ATP8A2: variants seen among roughly 807,000 people sequenced by gnomAD.
The protein encoded by ATP8A2 is phospholipid-transporting ATPase IB.
In ATP8A2, 100 loss-of-function variants were observed where a neutral mutation model predicts 165.6. The observed-to-expected ratio is 0.60, with a 90% CI of 0.51 to 0.71. The LOEUF (loss-of-function observed/expected upper bound fraction) is 0.71. ATP8A2 is among the 30% of genes least tolerant of loss of function. ATP8A2 has a pLI of 0.00. For missense variants in ATP8A2, 1,227 were observed against 1,479.5 expected, an observed-to-expected ratio of 0.83 and a Z score of 2.80; for synonymous variants, 543 against 548.8, an observed-to-expected ratio of 0.99 and a Z score of 0.15.
In ATP8A2 at chr13:25,775,085, A is replaced by G. The variant is rs573846943; in HGVS notation, c.2679+126A>G. 4.4e-4 allele frequency: 263 copies of G among 603,000 alleles called. 1 individual carries two copies. The South Asian group carries it at 5.5e-3, about 13-fold the overall frequency. The allele number at this position is 603,000 out of a possible 1,614,324, so 37.4% of individuals were successfully genotyped here. ...TTAAAAGATGCTGCTGTGACTTTCT[A>G]CAGCCTGGGTCACATGTAAGCTCCT... On this transcript the variant is annotated intron_variant, in intron 27 of 36. Coordinates refer to ENST00000381655, the MANE Select transcript of ATP8A2 (RefSeq NM_016529.6).
At chr13:25,793,213 T>C (rs2045227481) in intron 27 of ATP8A2, among the ~76,000 whole-genome samples, 1 of 152,188 alleles carries the variant, frequency 6.6e-6, no homozygotes, top group Non-Finnish European at 1.5e-5. Flanking sequence ...CTGTCTTCGT[T>C]GCCTGCATAA....
intron 24 of ATP8A2, among the ~76,000 whole-genome samples, chr13:25,637,208 A>G (rs943246803): frequency 6.6e-6 from 1 of 151,384 alleles, no homozygotes; most frequent in Non-Finnish European, 1.5e-5. Flanking sequence ...TGATATCTGC[A>G]TTTCCAACTG....
intron 23 of ATP8A2, among the ~76,000 whole-genome samples, chr13:25,587,434 G>A (rs539664657): frequency 6.6e-6 from 1 of 151,136 alleles, no homozygotes; most frequent in African/African-American, 2.4e-5. Context: ...CCCCTGCCAT[G>A]GCTAGAAAAA....
intron 27 of ATP8A2, among the ~76,000 whole-genome samples, chr13:25,799,219 T>G (rs577055656): frequency 8.5e-5 from 13 of 152,324 alleles, no homozygotes; most frequent in African/African-American, 3.1e-4. Context: ...ACTAGGATGA[T>G]AAGGGTTAGT....
intron 18 of ATP8A2, among the ~76,000 whole-genome samples, chr13:25,574,593 C>G (rs915087894): frequency 1.3e-5 from 2 of 152,130 alleles, no homozygotes; most frequent in African/African-American, 4.8e-5. Context: ...GCCTGCACTC[C>G]CCAACTGTTA....
intron 1 of ATP8A2, among the ~76,000 whole-genome samples, chr13:25,444,937 C>G (rs1378641893): frequency 6.6e-6 from 1 of 152,104 alleles, no homozygotes; most frequent in African/African-American, 2.4e-5. Flanking sequence ...CACACCCGGC[C>G]CCGAGCATCT....
intron 33 of ATP8A2, among the ~76,000 whole-genome samples, chr13:25,891,479 T>C (rs1234076782): frequency 6.6e-6 from 1 of 152,086 alleles, no homozygotes; most frequent in Non-Finnish European, 1.5e-5. Context: ...CCCACCATCA[T>C]GCCCGCCTGA....
In ATP8A2 at chr13:25,538,033, C is replaced by A; in HGVS notation, c.553C>A (p.Pro185Thr). Residue 185 changes from proline to threonine, a missense_variant, in exon 7 of 37, where the codon CCA (proline) becomes ACA (threonine). Physicochemically the swap from Pro to Thr is conservative, Grantham distance 38 (BLOSUM62 -1). Around this residue, in one of 5 missense-constraint regions of ATP8A2, gnomAD observed 356 missense variants for 394.9 expected, o/e 0.90. Coordinates refer to ENST00000381655, the MANE Select transcript of ATP8A2 (RefSeq NM_016529.6). ...GAAGGTCGTCAATGGGCAGTATCTT[C>A]CAGCAGATGTGGTCCTGCTGTCATC... is the stretch of plus-strand genomic sequence containing the variant. ...IVKVVNGQYL[P>T]ADVVLLSSSE... is the part of the protein sequence containing the mutation. 6.2e-7 allele frequency: 1 copy of A among 1,613,872 alleles called. No individual in the cohort carries two copies. The highest frequency in any genetic ancestry group is 8.5e-7 in the Non-Finnish European group (1 of 1,179,810).
intron 1 of ATP8A2, among the ~76,000 whole-genome samples, chr13:25,397,081 G>T (rs533987664): frequency 6.6e-6 from 1 of 152,312 alleles, no homozygotes; most frequent in East Asian, 1.9e-4. Flanking sequence ...ATAAAGCCTT[G>T]CTGGACATCC....
intron 1 of ATP8A2, among the ~76,000 whole-genome samples, chr13:25,432,616 GTT>G (rs747019342): frequency 2.0e-5 from 3 of 151,956 alleles, no homozygotes; most frequent in Non-Finnish European, 2.9e-5. Flanking sequence ...GTTTTATGAT[GTT>G]CCATGAATTG....
rs146333972 is a variant in ATP8A2, at chr13:25,492,264, C to T, written c.221+23143C>T. The stretch of plus-strand genomic sequence containing the variant: ...AGAGATGGGGTTTCACCATGTTGGC[C>T]AGGCTGTTCTTGAACTCCTGACTTC... On this transcript the variant is annotated intron_variant, in intron 2 of 36. Coordinates refer to ENST00000381655, the MANE Select transcript of ATP8A2 (RefSeq NM_016529.6). 5.5e-3 allele frequency among the ~76,000 whole-genome samples: 837 copies of T among 152,282 alleles called. 8 individuals carry two copies. Among genetic ancestry groups the T allele is most frequent in the African/African-American group, 0.019 (797 of 41,552 alleles).
Position 25,961,499 on chromosome 13 carries a change from T to C in ATP8A2, c.3184-76T>C, listed in dbSNP as rs1027381290. On this transcript the variant is annotated intron_variant, in intron 33 of 36. Transcript: ENST00000381655. ...CTGTTGTTTTTGTGTTGTGAAATAT[T>C]ATCCTTGATTACATTATGTTGCTCT... The C allele has an allele frequency of 2.5e-6, 3 of 1,207,258 alleles. No homozygotes were observed. In the African/African-American group the frequency reaches 4.5e-5, roughly 18 times the overall value. The allele number at this position is 1,207,258 out of a possible 1,614,324, so 74.8% of individuals were successfully genotyped here. A position where few individuals can be genotyped will look rare whatever the true frequency, so the allele number is the denominator to read the frequency against.
intron 30 of ATP8A2, among the ~76,000 whole-genome samples, chr13:25,840,182 G>GT (rs896698830): frequency 1.3e-5 from 2 of 152,080 alleles, no homozygotes; most frequent in Admixed American, 6.5e-5. Context: ...CAGACTCGGC[G>GT]TTTTTTCACA....
intron 24 of ATP8A2, among the ~76,000 whole-genome samples, chr13:25,596,590 G>A (rs187871332): frequency 6.4e-4 from 97 of 152,188 alleles, no homozygotes; most frequent in Non-Finnish European, 1.1e-3. Flanking sequence ...GTTGCTGTGT[G>A]TATCATCTGT....
At chr13:25,889,589 A>C (rs983686199) in intron 33 of ATP8A2, among the ~76,000 whole-genome samples, 1 of 151,350 alleles carries the variant, frequency 6.6e-6, no homozygotes, top group African/African-American at 2.4e-5. Context: ...GTTAGATGTC[A>C]GTATCATGGC....
At chr13:25,554,067 G>A in intron 12 of ATP8A2, 147 bp downstream of exon 12, 1 of 805,754 alleles carries the variant, frequency 1.2e-6, no homozygotes, top group South Asian at 2.0e-5. Flanking sequence ...ACTGGCCAGG[G>A]ATCACCAGTG....
At chr13:25,970,522 CAG>C (rs2139215195) in intron 35 of ATP8A2, among the ~76,000 whole-genome samples, 1 of 152,358 alleles carries the variant, frequency 6.6e-6, no homozygotes. Context: ...ATGCATTTTG[CAG>C]AGATACAGAA....
chr13:25,527,633 T>G, intron 2 of ATP8A2, among the ~76,000 whole-genome samples: 1 of 152,202 alleles, frequency 6.6e-6, no homozygotes, highest in Non-Finnish European at 1.5e-5. Flanking sequence ...ATGCAAGCAT[T>G]TGGGCTCGTT....
At chr13:25,648,703 T>A (rs2041738682) in intron 24 of ATP8A2, among the ~76,000 whole-genome samples, 2 of 152,160 alleles carry the variant, frequency 1.3e-5, no homozygotes, top group African/African-American at 4.8e-5. Context: ...ATAGTTTTTG[T>A]ATAAAGCCTA....
Sources: allele counts gnomAD v4.1 joint callset (sites outside exome capture counted in the v4.1 genomes callset), GRCh38; gene constraint gnomAD v4.1.1; regional missense constraint gnomAD v4.1.1; transcripts MANE v1.5; gene names NCBI Gene and HGNC (gene_info 2026-07-23, HGNC 2026-07-21).